Variants in RBMS3 observed in about 807,000 individuals in gnomAD.
The protein encoded by RBMS3 is RNA binding motif single stranded interacting protein 3.
A neutral mutation model predicts 66.8 loss-of-function variants in RBMS3; 27 were observed. The ratio of observed to expected loss-of-function variants is 0.40; its 90% CI spans 0.30 to 0.56. RBMS3 has a LOEUF of 0.56. Ranked by LOEUF, RBMS3 falls within the 20% of genes least tolerant of loss-of-function variation. The pLI, the probability that RBMS3 is intolerant of heterozygous loss-of-function variation, is 0.40. For synonymous variants in RBMS3, 188 were observed against 183.0 expected (o/e 1.03, Z -0.22); for missense variants, 513 against 549.5 (o/e 0.93, Z 0.66).
intron 1 of RBMS3, among the ~76,000 whole-genome samples, chr3:29,337,967 A>C (rs1344238397): frequency 1.3e-5 from 2 of 152,186 alleles, no homozygotes; most frequent in Non-Finnish European, 2.9e-5. Flanking sequence ...AACCTTGGCT[A>C]GAATGGTATA....
chr3:29,420,144 C>T (rs2040646321), intron 1 of RBMS3, among the ~76,000 whole-genome samples: 1 of 152,118 alleles, frequency 6.6e-6, no homozygotes. Flanking sequence ...TGAATAAGGA[C>T]GTTCTCTTTG....
intron 4 of RBMS3, among the ~76,000 whole-genome samples, chr3:29,675,601 TC>T (rs1433066031): frequency 1.3e-5 from 2 of 151,868 alleles, no homozygotes; most frequent in Non-Finnish European, 2.9e-5. Flanking sequence ...AACAACCCCA[TC>T]AAAAAATGGG....
chr3:29,693,761 A>C (rs2052141923), intron 4 of RBMS3, among the ~76,000 whole-genome samples: 1 of 152,196 alleles, frequency 6.6e-6, no homozygotes, highest in African/African-American at 2.4e-5. Context: ...CATAATGATA[A>C]TTTCAATGAT....
At chr3:29,827,338 G>C (rs1252306496) in intron 6 of RBMS3, among the ~76,000 whole-genome samples, 2 of 152,166 alleles carry the variant, frequency 1.3e-5, no homozygotes, top group African/African-American at 4.8e-5. Flanking sequence ...TGAATGCAAT[G>C]GTTCTTTCAG....
chr3:29,423,506 A>G (rs1303369283), intron 1 of RBMS3, among the ~76,000 whole-genome samples: 1 of 152,210 alleles, frequency 6.6e-6, no homozygotes, highest in Non-Finnish European at 1.5e-5. Context: ...AAAGGAGATT[A>G]ATTACATTTT....
At chr3:29,476,216 T>C (rs933433223) in intron 2 of RBMS3, among the ~76,000 whole-genome samples, 7 of 152,194 alleles carry the variant, frequency 4.6e-5, no homozygotes, top group Admixed American at 3.3e-4. Flanking sequence ...GGAATCTAAT[T>C]ATAACATAAG....
chr3:29,967,850 T>C (rs1327434342), intron 12 of RBMS3, among the ~76,000 whole-genome samples: 1 of 152,212 alleles, frequency 6.6e-6, no homozygotes, highest in Non-Finnish European at 1.5e-5. Flanking sequence ...TTGGATTTTC[T>C]CTCTTCTTTT....
rs1359477350 is a variant in RBMS3, at chr3:29,988,369, T to C, written c.1179+146T>C. On this transcript the variant is annotated intron_variant, in intron 13 of 14. Coordinates refer to ENST00000383767, the MANE Select transcript of RBMS3 (RefSeq NM_001003793.3). ...ATTGTAAATTCAGTGTATGAAAGTA[T>C]AAACATTTACTTGAATGTGGCTGTG... 4 of 647,960 alleles carry C rather than the reference T, an allele frequency of 6.2e-6. No individual in the cohort carries two copies. The South Asian group carries it at 6.3e-5, about 10-fold the overall frequency. The allele number at this position is 647,960 out of a possible 1,614,324, so 40.1% of individuals were successfully genotyped here. A position where few individuals can be genotyped will look rare whatever the true frequency, so the allele number is the denominator to read the frequency against.
intron 12 of RBMS3, among the ~76,000 whole-genome samples, chr3:29,958,806 G>A (rs1696212815): frequency 6.6e-6 from 1 of 152,152 alleles, no homozygotes; most frequent in African/African-American, 2.4e-5. Context: ...GTGGGCTAAA[G>A]GAAAGTATAT....
In RBMS3 at chr3:29,928,211, T is replaced by TATATACACACAC. The variant is rs1291440563; in HGVS notation, c.940-7874_940-7873insTATACACACACA. On this transcript the variant is annotated intron_variant, in intron 10 of 14. Transcript: ENST00000383767. Reference sequence around the variant, plus strand: ...ATATATATATATATATATATATATATACACACACACACACACACACACACA... The same window carrying TATATACACACAC: ...ATATATATATATATATATATATATATATATACACACACACACACACACACACACACACACACA... 1.0e-3 allele frequency among the ~76,000 whole-genome samples: 98 copies of TATATACACACAC among 93,486 alleles called. 1 individual carries two copies. Among genetic ancestry groups the TATATACACACAC allele is most frequent in the African/African-American group, 3.6e-3 (85 of 23,636 alleles). 61.3% of individuals were successfully genotyped at this position (93,486 alleles called of 152,430 possible).
chr3:29,404,665 C>T (rs2039941207), intron 1 of RBMS3, among the ~76,000 whole-genome samples: 1 of 151,982 alleles, frequency 6.6e-6, no homozygotes, highest in Non-Finnish European at 1.5e-5. Flanking sequence ...TACTGCCATG[C>T]CCTAGGTAGG....
chr3:29,871,729 A>T (rs1353245773), intron 7 of RBMS3, among the ~76,000 whole-genome samples: 1 of 152,152 alleles, frequency 6.6e-6, no homozygotes, highest in Non-Finnish European at 1.5e-5. Flanking sequence ...GTCATGTGAA[A>T]GGGATTTCTG....
intron 6 of RBMS3, among the ~76,000 whole-genome samples, chr3:29,845,628 T>A (rs2058758308): frequency 6.6e-6 from 1 of 152,216 alleles, no homozygotes; most frequent in Non-Finnish European, 1.5e-5. Context: ...AGGTGTCTAC[T>A]GTTTTCTAGA....
chr3:29,887,335 TC>T (rs1362019388), intron 8 of RBMS3, among the ~76,000 whole-genome samples: 1 of 151,722 alleles, frequency 6.6e-6, no homozygotes, highest in African/African-American at 2.4e-5. Flanking sequence ...ATCCTCATAA[TC>T]CCCATGTGTC....
At chr3:29,814,381 C>G (rs934765846) in intron 6 of RBMS3, among the ~76,000 whole-genome samples, 2,169 of 152,102 alleles carry the variant, frequency 0.014, 43 homozygotes, top group African/African-American at 0.049. Context: ...GATTCGGTTT[C>G]CCAGTATTTT....
rs1308650856 is a variant in RBMS3, at chr3:29,639,552, A to G, written c.399+52347A>G. On this transcript the variant is annotated intron_variant, in intron 4 of 14. Coordinates refer to ENST00000383767, the MANE Select transcript of RBMS3 (RefSeq NM_001003793.3). The stretch of plus-strand genomic sequence containing the variant: ...GTTCACTGTAAAATACTGTATGGCA[A>G]AAACCAGAATATACACTATAGATGA... 4.0e-5 allele frequency among the ~76,000 whole-genome samples: 6 copies of G among 151,472 alleles called. No homozygotes were observed. The East Asian group carries it at 1.2e-3, about 30-fold the overall frequency.
chr3:29,931,636 A>ACAAAG (rs145234503), intron 10 of RBMS3, among the ~76,000 whole-genome samples: 1 of 151,184 alleles, frequency 6.6e-6, no homozygotes, highest in Non-Finnish European at 1.5e-5. Context: ...CCTCATCAAA[A>ACAAAG]CAAAACAAAA....
At chr3:29,321,996 A>T (rs1377391214) in intron 1 of RBMS3, among the ~76,000 whole-genome samples, 1 of 152,180 alleles carries the variant, frequency 6.6e-6, no homozygotes, top group Non-Finnish European at 1.5e-5. Context: ...GCCCTTAATA[A>T]TGAGACTGTA....
chr3:29,532,246 G>GTGTA (rs1491266863), intron 3 of RBMS3, among the ~76,000 whole-genome samples: 2 of 88,994 alleles, frequency 2.2e-5, no homozygotes, highest in South Asian at 3.4e-4. Context: ...GCATATATAT[G>GTGTA]TATATATATA....
Sources: gnomAD v4.1 joint callset for allele counts (sites outside exome capture counted in the v4.1 genomes callset) on GRCh38, gnomAD v4.1.1 for gene constraint, MANE v1.5 for transcripts, NCBI Gene and HGNC (gene_info 2026-07-23, HGNC 2026-07-21) for gene names.